The following ANAPC5 variants were observed in gnomAD, a reference collection of about 807,000 sequenced individuals.
The protein encoded by ANAPC5 is anaphase promoting complex subunit 5, also known as anaphase-promoting complex subunit 5.
In ANAPC5, 60 loss-of-function variants were observed where a neutral mutation model predicts 91.3. The ratio of observed to expected loss-of-function variants is 0.66; its 90% CI spans 0.53 to 0.81. The LOEUF is 0.81. Among genes scored for constraint, ANAPC5 ranks in the 40% least tolerant of loss-of-function variants. The pLI, the probability that ANAPC5 is intolerant of heterozygous loss-of-function variation, is 0.00. For synonymous variants in ANAPC5, 340 were observed against 364.1 expected (o/e 0.93, Z 0.75); for missense variants, 690 against 931.5 (o/e 0.74, Z 3.37).
intron 1 of ANAPC5, chr12:121,351,040 C>T (rs1555275281): frequency 9.0e-6 from 4 of 443,248 alleles, no homozygotes; most frequent in Non-Finnish European, 1.8e-5. Flanking sequence ...AATTAAGGAA[C>T]TTAATTATCT....
chr12:121,328,125 A>C, intron 10 of ANAPC5, 191 bp downstream of exon 10: 6 of 535,604 alleles, frequency 1.1e-5, no homozygotes, highest in Admixed American at 3.2e-5. Context: ...GTAAGAAGGA[A>C]CATGCATGGG....
intron 15 of ANAPC5, among the ~76,000 whole-genome samples, chr12:121,315,801 C>T (rs1464323749): frequency 6.6e-6 from 1 of 152,058 alleles, no homozygotes; most frequent in Non-Finnish European, 1.5e-5. Flanking sequence ...AAAATTAACT[C>T]AAAATTATTC....
At chr12:121,330,006 G>C (rs1296047253) in intron 9 of ANAPC5, among the ~76,000 whole-genome samples, 4 of 152,184 alleles carry the variant, frequency 2.6e-5, no homozygotes, top group African/African-American at 9.7e-5. Flanking sequence ...GGACAAATCT[G>C]CCTGTCAGGT....
At chr12:121,329,906 C>T (rs998942036) in intron 9 of ANAPC5, among the ~76,000 whole-genome samples, 3 of 152,154 alleles carry the variant, frequency 2.0e-5, no homozygotes, top group Admixed American at 6.6e-5. Context: ...TGAGCCACCA[C>T]GCCCAGCCAG....
chr12:121,318,013 G>C (rs747451101), intron 15 of ANAPC5: 2 of 301,196 alleles, frequency 6.6e-6, no homozygotes, highest in Non-Finnish European at 6.1e-6. Context: ...TCATTAATAT[G>C]ATGCAGGTGT....
At chr12:121,337,488 C>T (rs893107816) in intron 5 of ANAPC5, 96 bp from the exon 6 acceptor site, 2 of 945,692 alleles carry the variant, frequency 2.1e-6, no homozygotes, top group African/African-American at 3.3e-5. Flanking sequence ...TTCTTTTCTA[C>T]AGGGGTCCCT....
At chr12:121,347,558 G>T in intron 2 of ANAPC5, 3 of 449,950 alleles carry the variant, frequency 6.7e-6, no homozygotes, top group Non-Finnish European at 1.2e-5. Flanking sequence ...CTGAGCTCAG[G>T]AAGTCCAGGC....
At chr12:121,331,610 T>C (rs549320437) in intron 7 of ANAPC5, 182 bp from the exon 8 acceptor site, 135 of 452,314 alleles carry the variant, frequency 3.0e-4, no homozygotes, top group Non-Finnish European at 5.0e-4. Context: ...ACACTGACAG[T>C]GGAAATATAG....
At position 121,314,863 on chromosome 12, in the gene ANAPC5, T is replaced by A. The variant is rs569717282; in HGVS notation, c.1893+3414A>T. On this transcript the variant is annotated intron_variant, in intron 15 of 16. Transcript: ENST00000261819. ...CCAGGCTGGTCTCGAACTCCTGGCC[T>A]TAAGTAATCTGCCTTGGCCTCAAAA... 3.0e-4 allele frequency among the ~76,000 whole-genome samples: 46 copies of A among 152,290 alleles called. 1 individual carries two copies. The East Asian group carries it at 6.2e-3, about 20-fold the overall frequency.
chr12:121,315,715 T>C (rs567217948), intron 15 of ANAPC5, among the ~76,000 whole-genome samples: 2 of 152,252 alleles, frequency 1.3e-5, no homozygotes, highest in East Asian at 3.9e-4. Context: ...AGAGGAGTCT[T>C]CAACAAATGG....
chr12:121,350,048 A>G (rs1292274410), intron 1 of ANAPC5, among the ~76,000 whole-genome samples: 1 of 152,014 alleles, frequency 6.6e-6, no homozygotes, highest in Non-Finnish European at 1.5e-5. Flanking sequence ...TTAATAATGG[A>G]GGGAAATGCA....
At chr12:121,310,049 A>G (rs1410844372) in intron 15 of ANAPC5, 186 bp from the exon 16 acceptor site, 2 of 465,054 alleles carry the variant, frequency 4.3e-6, no homozygotes, top group Non-Finnish European at 7.3e-6. Context: ...ATTTCAGACT[A>G]TGACAAATAT....
chr12:121,351,022 C>T (rs950381738), intron 1 of ANAPC5: 5 of 432,002 alleles, frequency 1.2e-5, no homozygotes, highest in East Asian at 1.5e-4. Context: ...AAAACTGAGA[C>T]CCAAATGAAT....
In ANAPC5 at chr12:121,345,849, C is replaced by A. The variant is rs782558078; in HGVS notation, c.580G>T (p.Val194Leu). 1.2e-6 allele frequency: 2 copies of A among 1,613,024 alleles called. No homozygotes were observed. Among genetic ancestry groups the A allele is most frequent in the Non-Finnish European group, 1.7e-6 (2 of 1,179,692 alleles). ...GAAAAGCCAAATTACCTTACAGATA[C>A]ATCAAGTTCTTCTTTTTCCATTTTT... ...ERKMEKEELDVSVREEEVSCS... is the reference protein window; with the variant it reads ...ERKMEKEELDLSVREEEVSCS... Residue 194 changes from valine (V) to leucine (L), a missense_variant, in exon 4 of 17, where the codon GTA becomes TTA. Physicochemically the swap from Val to Leu is conservative, Grantham distance 32. Transcript: ENST00000261819.
chr12:121,319,699 A>G lies in ANAPC5; in HGVS notation c.1635T>C (p.Tyr545=), dbSNP rs559991136. The G allele has an allele frequency of 6.2e-7, 1 of 1,605,364 alleles. No individual in the cohort carries two copies. The highest frequency in any genetic ancestry group is 1.1e-5 in the South Asian group (1 of 88,202). Residue 545 remains tyrosine, a splice_region_variant and synonymous_variant, in exon 13 of 17, where the codon TAT becomes TAC. Transcript: ENST00000261819. ...TTAGAGTTTTCAAGGTTTCTTACCT[A>G]TAAACACCCTCTATGCTATTGAGAG... is the stretch of plus-strand genomic sequence containing the variant. ...ITALNSIEGV[Y]RKAVVLQAQN...
At chr12:121,352,553 G>A (rs548224515), upstream of ANAPC5, 42 of 527,030 alleles carry the variant, frequency 8.0e-5, no homozygotes, top group South Asian at 8.9e-4. Context: ...GTGCGGGGAG[G>A]GGTGCACCAA....
Position 121,309,823 on chromosome 12 carries a change from T to G in ANAPC5, c.1934A>C (p.His645Pro), listed in dbSNP as rs1902086101. The change falls in exon 16 of 17, where the codon CAC (histidine) becomes CCC (proline). Residue 645 changes from histidine to proline, a missense_variant. By Grantham distance (77) the His-to-Pro change is moderately conservative (BLOSUM62 -2). Around this residue, in one of 5 missense-constraint regions of ANAPC5, gnomAD observed 317 missense variants for 438.7 expected, o/e 0.72. Transcript: ENST00000261819. ...GIPEQALSLLHMAIEPILADG... is the reference protein window; with the variant it reads ...GIPEQALSLLPMAIEPILADG... ...AGCCAAGATGGGCTCGATGGCCATG[T>G]GGAGAAGACTTAAGGCCTGTTCTGG... 1 of 1,614,126 alleles carries G rather than the reference T, an allele frequency of 6.2e-7. No homozygotes were observed. The highest frequency in any genetic ancestry group is 8.5e-7 in the Non-Finnish European group (1 of 1,180,028).
chr12:121,335,531 A>G lies in ANAPC5; in HGVS notation c.950+2T>C, dbSNP rs782544104. The G allele has an allele frequency of 1.3e-6, 2 of 1,597,832 alleles. No individual in the cohort carries two copies. Among genetic ancestry groups the G allele is most frequent in the East Asian group, 4.5e-5 (2 of 44,462 alleles). On this transcript the variant is annotated splice_donor_variant, in intron 7 of 16. Coordinates refer to ENST00000261819, the MANE Select transcript of ANAPC5 (RefSeq NM_016237.5). LOFTEE classifies it high-confidence loss of function. Reference sequence around the variant, plus strand: ...CGCAAGGACAAAGGTCTATAAACTTACTAGTGACCGAAGCGGCAGTGCAGG... The same window carrying G: ...CGCAAGGACAAAGGTCTATAAACTTGCTAGTGACCGAAGCGGCAGTGCAGG...
chr12:121,324,005 C>T (rs782711392), intron 11 of ANAPC5, among the ~76,000 whole-genome samples: 9 of 152,098 alleles, frequency 5.9e-5, no homozygotes, highest in Non-Finnish European at 1.3e-4. Context: ...ATTCACTCTA[C>T]CTCCTCTGGG....
Sources: gnomAD v4.1 joint callset for allele counts (sites outside exome capture counted in the v4.1 genomes callset) on GRCh38, gnomAD v4.1.1 for gene constraint, gnomAD v4.1.1 regional missense constraint, MANE v1.5 for transcripts, NCBI Gene and HGNC (gene_info 2026-07-23, HGNC 2026-07-21) for gene names.